Variants in KIAA1549L observed in about 807,000 individuals in gnomAD.
KIAA1549L encodes the protein UPF0606 protein KIAA1549L.
In KIAA1549L, 88 loss-of-function variants were observed where a neutral mutation model predicts 160.7. That is an observed-to-expected ratio of 0.55 (90% CI 0.46 to 0.65). The LOEUF (loss-of-function observed/expected upper bound fraction) is 0.65. KIAA1549L is among the 30% of genes least tolerant of loss of function. The pLI is 0.00. For synonymous variants in KIAA1549L, 950 were observed against 976.7 expected (o/e 0.97, Z 0.51); for missense variants, 2,258 against 2,437.5 (o/e 0.93, Z 1.55).
At chr11:33,383,771 C>T (rs990301094) in intron 1 of KIAA1549L, among the ~76,000 whole-genome samples, 2 of 152,156 alleles carry the variant, frequency 1.3e-5, no homozygotes, top group Non-Finnish European at 2.9e-5. Flanking sequence ...CTCAAAGAGG[C>T]AGCTACTGCT....
rs1365478940 is a variant in KIAA1549L at position 33,551,025 on chromosome 11, C to T, written c.3502-15C>T. 1 of 1,603,970 alleles carries T rather than the reference C, an allele frequency of 6.2e-7. No homozygotes were observed. The highest frequency in any genetic ancestry group is 1.7e-5 in the Admixed American group (1 of 59,990). ...GAAATAAACAATGGGTTTTGTGGGT[C>T]CATTTGTTTTGTAGGTGGACATTCT... On this transcript the variant is annotated splice_polypyrimidine_tract_variant and intron_variant, in intron 4 of 20. Coordinates refer to ENST00000658780, the MANE Select transcript of KIAA1549L (RefSeq NM_012194.3).
intron 1 of KIAA1549L, among the ~76,000 whole-genome samples, chr11:33,434,178 G>T (rs1356711379): frequency 6.6e-6 from 1 of 152,056 alleles, no homozygotes; most frequent in Non-Finnish European, 1.5e-5. Context: ...ATTCTACTGG[G>T]TATCTGATAT....
chr11:33,431,593 A>G (rs1851244293), intron 1 of KIAA1549L, among the ~76,000 whole-genome samples: 1 of 152,232 alleles, frequency 6.6e-6, no homozygotes, highest in Non-Finnish European at 1.5e-5. Flanking sequence ...AGCTAGATAC[A>G]GAGTGCTGAT....
chr11:33,565,551 A>C (rs1565189137), intron 8 of KIAA1549L, among the ~76,000 whole-genome samples: 1 of 152,202 alleles, frequency 6.6e-6, no homozygotes, highest in Non-Finnish European at 1.5e-5. Context: ...AGGCAAACTC[A>C]GGGCCCTGCC....
chr11:33,563,385 GAC>G (rs555150315), intron 8 of KIAA1549L, among the ~76,000 whole-genome samples: 161 of 150,764 alleles, frequency 1.1e-3, no homozygotes, highest in African/African-American at 3.7e-3. Flanking sequence ...GAAGTGGGGG[GAC>G]ACACGTCAGC....
intron 6 of KIAA1549L, among the ~76,000 whole-genome samples, chr11:33,554,929 T>C (rs1319788001): frequency 6.6e-6 from 1 of 152,160 alleles, no homozygotes; most frequent in East Asian, 1.9e-4. Flanking sequence ...AGAGATGAGG[T>C]TAGAGGCTAC....
At chr11:33,420,187 G>C (rs1042052169) in intron 1 of KIAA1549L, among the ~76,000 whole-genome samples, 4 of 149,654 alleles carry the variant, frequency 2.7e-5, no homozygotes, top group African/African-American at 9.8e-5. Flanking sequence ...CCCACACATC[G>C]AACTGAAATG....
rs765990826 is a variant in KIAA1549L, at chr11:33,667,891, A to G, written c.6178A>G (p.Ile2060Val). The change falls in exon 21 of 21, where the codon ATC becomes GTC. Residue 2060 changes from isoleucine to valine, a missense_variant. Ile to Val is a conservative substitution (Grantham distance 29). Around this residue, in one of 6 missense-constraint regions of KIAA1549L, gnomAD observed 1,359 missense variants for 1,546.6 expected, o/e 0.88. Coordinates refer to ENST00000658780, the MANE Select transcript of KIAA1549L (RefSeq NM_012194.3). Reference protein sequence around the residue: ...WADSVPLPGYIEAYPRSRYPQ... With the variant: ...WADSVPLPGYVEAYPRSRYPQ... The stretch of plus-strand genomic sequence containing the variant: ...TCTGCAGGTGCCCCTCCCAGGGTAC[A>G]TCGAGGCCTACCCCCGATCACGGTA... The G allele has an allele frequency of 6.2e-7, 1 of 1,612,396 alleles. No homozygotes were observed. The highest frequency in any genetic ancestry group is 2.2e-5 in the East Asian group (1 of 44,852).
intron 1 of KIAA1549L, among the ~76,000 whole-genome samples, chr11:33,508,705 A>G (rs1266664698): frequency 6.6e-6 from 1 of 152,166 alleles, no homozygotes; most frequent in Non-Finnish European, 1.5e-5. Flanking sequence ...ACACAGTTGC[A>G]TGAGAAGTAG....
chr11:33,555,207 G>T (rs1267269696), intron 6 of KIAA1549L, among the ~76,000 whole-genome samples: 1 of 141,760 alleles, frequency 7.1e-6, no homozygotes, highest in East Asian at 2.0e-4. Flanking sequence ...CTTATGGATT[G>T]GGAGACTTTA....
intron 1 of KIAA1549L, among the ~76,000 whole-genome samples, chr11:33,491,028 G>C (rs1852645761): frequency 6.6e-6 from 1 of 152,148 alleles, no homozygotes; most frequent in Non-Finnish European, 1.5e-5. Flanking sequence ...CTCTTACGTT[G>C]CACTGTAACT....
At chr11:33,480,430 A>G (rs1405282301) in intron 1 of KIAA1549L, among the ~76,000 whole-genome samples, 1 of 152,212 alleles carries the variant, frequency 6.6e-6, no homozygotes, top group East Asian at 1.9e-4. Flanking sequence ...TTGCTCGTTC[A>G]TGAGTGAATG....
chr11:33,411,160 G>A (rs1324209159), intron 1 of KIAA1549L, among the ~76,000 whole-genome samples: 1 of 152,190 alleles, frequency 6.6e-6, no homozygotes, highest in Non-Finnish European at 1.5e-5. Flanking sequence ...TGCCAGAGGT[G>A]AAACGAGGAA....
intron 1 of KIAA1549L, among the ~76,000 whole-genome samples, chr11:33,458,412 G>A (rs577057582): frequency 6.6e-6 from 1 of 152,338 alleles, no homozygotes; most frequent in African/African-American, 2.4e-5. Context: ...TGGGTGACTG[G>A]ATAGCTTCAA....
At chr11:33,582,479 A>G (rs549113383) in intron 10 of KIAA1549L, among the ~76,000 whole-genome samples, 2 of 152,326 alleles carry the variant, frequency 1.3e-5, no homozygotes, top group African/African-American at 4.8e-5. Flanking sequence ...TTTGATGTAT[A>G]AACTAGATTG....
chr11:33,612,582 A>T (rs1396692672), intron 15 of KIAA1549L, among the ~76,000 whole-genome samples: 4 of 151,728 alleles, frequency 2.6e-5, no homozygotes, highest in Non-Finnish European at 4.4e-5. Context: ...GCTATAAAAA[A>T]TACCTGAGAC....
At chr11:33,657,561 C>T (rs1311940568) in intron 18 of KIAA1549L, among the ~76,000 whole-genome samples, 1 of 152,128 alleles carries the variant, frequency 6.6e-6, no homozygotes, top group Non-Finnish European at 1.5e-5. Flanking sequence ...CTTTGGGAGG[C>T]TGAGGCGGGT....
At chr11:33,666,359 C>T (rs1259005397) in intron 20 of KIAA1549L, among the ~76,000 whole-genome samples, 4 of 152,202 alleles carry the variant, frequency 2.6e-5, no homozygotes, top group Non-Finnish European at 5.9e-5. Flanking sequence ...CATCAGTACG[C>T]CCATACATTT....
intron 8 of KIAA1549L, among the ~76,000 whole-genome samples, chr11:33,565,772 C>A (rs1855028513): frequency 6.6e-6 from 1 of 150,402 alleles, no homozygotes; most frequent in Admixed American, 6.6e-5. Flanking sequence ...AATCTCAGCA[C>A]TTTGGGAGGC....
Sources: gnomAD v4.1 joint callset for allele counts (sites outside exome capture counted in the v4.1 genomes callset) on GRCh38, gnomAD v4.1.1 for gene constraint, gnomAD v4.1.1 regional missense constraint, MANE v1.5 for transcripts, NCBI Gene and HGNC (gene_info 2026-07-23, HGNC 2026-07-21) for gene names.